SPEF2: variants seen among roughly 807,000 people sequenced by gnomAD.
SPEF2 encodes the protein sperm flagellar and cilia associated 2.
A neutral mutation model predicts 224.6 loss-of-function variants in SPEF2; 187 were observed. The ratio of observed to expected loss-of-function variants is 0.83; its 90% CI spans 0.74 to 0.94. The LOEUF (loss-of-function observed/expected upper bound fraction) is 0.94. Among genes scored for constraint, SPEF2 ranks in the 40% least tolerant of loss-of-function variants. The pLI is 0.00. For missense variants in SPEF2, 2,170 were observed against 2,135.6 expected (o/e 1.02, Z -0.32); for synonymous variants, 715 against 707.3 (o/e 1.01, Z -0.17).
Position 35,740,154 on chromosome 5 carries a change from C to T in SPEF2, c.3217C>T (p.Arg1073Cys), listed in dbSNP as rs200582644. Residue 1073 changes from arginine to cysteine, a missense_variant, in exon 23 of 37, where the codon CGT becomes TGT. Arg to Cys is a radical substitution (Grantham distance 180). Coordinates refer to ENST00000356031, the MANE Select transcript of SPEF2 (RefSeq NM_024867.4). ...IRTSFQEFLK[R>C]PDHKQDFVAQ... ...AACAAGTTTCCAGGAGTTTCTAAAG[C>T]GTCCGGATCACAAGCAAGATTTTGT... The T allele has an allele frequency of 4.0e-4, 640 of 1,613,944 alleles. No individual in the cohort carries two copies. Among genetic ancestry groups the T allele is most frequent in the Non-Finnish European group, 4.3e-4 (512 of 1,180,006 alleles).
chr5:35,634,536 A>G (rs1745562611), intron 2 of SPEF2, among the ~76,000 whole-genome samples: 1 of 151,944 alleles, frequency 6.6e-6, no homozygotes, highest in Non-Finnish European at 1.5e-5. Context: ...GTGGATCCAT[A>G]TCTTTCATCA....
At position 35,670,232 on chromosome 5, in the gene SPEF2, C is replaced by G. The variant is rs763986783; in HGVS notation, c.1524+5C>G. 1 of 1,586,272 alleles carries G rather than the reference C, an allele frequency of 6.3e-7. No homozygotes were observed. Among genetic ancestry groups the G allele is most frequent in the East Asian group, 2.3e-5 (1 of 44,074 alleles). The stretch of plus-strand genomic sequence containing the variant: ...AATGATTATGAAGAATATAAGGTAC[C>G]TACTGATATGAAATAATTAGAATGC... On this transcript the variant is annotated splice_donor_5th_base_variant and intron_variant, in intron 10 of 36. Transcript: ENST00000356031.
intron 20 of SPEF2, among the ~76,000 whole-genome samples, chr5:35,717,798 C>T (rs951291057): frequency 6.6e-6 from 1 of 152,146 alleles, no homozygotes; most frequent in Non-Finnish European, 1.5e-5. Flanking sequence ...CTCCAGGGAC[C>T]CCCTGCCACC....
intron 9 of SPEF2, among the ~76,000 whole-genome samples, chr5:35,668,928 T>C (rs1402603348): frequency 1.3e-5 from 2 of 152,070 alleles, no homozygotes; most frequent in Non-Finnish European, 2.9e-5. Flanking sequence ...ATTTTGGAGC[T>C]TTTTAAAGCC....
chr5:35,752,731 TC>T (rs1193518202), intron 23 of SPEF2, among the ~76,000 whole-genome samples: 8 of 1,902 alleles, frequency 4.2e-3, no homozygotes, highest in African/African-American at 8.3e-3. Context: ...CACCACTTAA[TC>T]TTTCTGTGAC....
intron 1 of SPEF2, among the ~76,000 whole-genome samples, chr5:35,621,296 A>G (rs1475443242): frequency 6.6e-6 from 1 of 152,220 alleles, no homozygotes; most frequent in East Asian, 1.9e-4. Flanking sequence ...TGGGTATACC[A>G]TACCCTGTTC....
chr5:35,810,712 C>T (rs1194502725), intron 36 of SPEF2, among the ~76,000 whole-genome samples: 2 of 152,186 alleles, frequency 1.3e-5, no homozygotes, highest in South Asian at 4.2e-4. Flanking sequence ...CCAAGCTTTC[C>T]TTGATGCACA....
intron 14 of SPEF2, among the ~76,000 whole-genome samples, chr5:35,696,288 T>C (rs1295004463): frequency 6.6e-6 from 1 of 152,178 alleles, no homozygotes; most frequent in Non-Finnish European, 1.5e-5. Flanking sequence ...ATTTTATCTT[T>C]TGTATTATAT....
chr5:35,775,633 A>G (rs372326146), intron 28 of SPEF2, among the ~76,000 whole-genome samples: 1 of 152,114 alleles, frequency 6.6e-6, no homozygotes, highest in East Asian at 1.9e-4. Flanking sequence ...TGCAGGTAAG[A>G]CAAATTACTC....
rs1311205694 is a variant in SPEF2 at position 35,799,912 on chromosome 5, A to G, written c.4831-56A>G. 13 of 1,583,420 alleles carry G rather than the reference A, an allele frequency of 8.2e-6. 1 individual carries two copies. In the South Asian group the frequency reaches 1.4e-4, roughly 17 times the overall value. On this transcript the variant is annotated intron_variant, in intron 33 of 36. Coordinates refer to ENST00000356031, the MANE Select transcript of SPEF2 (RefSeq NM_024867.4). ...TGGGGAGATTCTTCATTGCATGACT[A>G]ACTACTGACTATGAGAGTGCACCCA...
At chr5:35,789,637 C>T (rs1325642148) in intron 30 of SPEF2, 2 of 629,136 alleles carry the variant, frequency 3.2e-6, no homozygotes, top group South Asian at 1.9e-5. Flanking sequence ...TTCAGAGATG[C>T]CAGCCAAAAT....
At chr5:35,665,997 T>C (rs1018231518) in intron 8 of SPEF2, among the ~76,000 whole-genome samples, 2 of 152,108 alleles carry the variant, frequency 1.3e-5, no homozygotes, top group South Asian at 4.1e-4. Context: ...TAATAGGAAA[T>C]ATTTGTTCTG....
At chr5:35,700,912 T>C (rs560460134) in intron 16 of SPEF2, among the ~76,000 whole-genome samples, 160 bp downstream of exon 16, 1 of 152,354 alleles carries the variant, frequency 6.6e-6, no homozygotes, top group African/African-American at 2.4e-5. Context: ...TTGCTTTGAC[T>C]GTTAGCATTC....
intron 34 of SPEF2, among the ~76,000 whole-genome samples, chr5:35,800,767 G>A (rs1757310015): frequency 6.6e-6 from 1 of 152,146 alleles, no homozygotes; most frequent in Non-Finnish European, 1.5e-5. Context: ...ATGGCTTTTG[G>A]TTCTGTTGTT....
chr5:35,708,552 C>T (rs1273404708), intron 18 of SPEF2, among the ~76,000 whole-genome samples: 1 of 38,120 alleles, frequency 2.6e-5, no homozygotes, highest in East Asian at 7.5e-4. Flanking sequence ...ATCACCACTC[C>T]TACCATCACC....
rs1755612223 is a variant in SPEF2, at chr5:35,789,208, G to A, written c.4448-3132G>A. The A allele has an allele frequency of 4.3e-6, 3 of 702,810 alleles. No homozygotes were observed. In the African/African-American group the frequency reaches 5.2e-5, roughly 12 times the overall value. The allele number at this position is 702,810 out of a possible 1,614,324, so 43.5% of individuals were successfully genotyped here. On this transcript the variant is annotated intron_variant, in intron 30 of 36. Coordinates refer to ENST00000356031, the MANE Select transcript of SPEF2 (RefSeq NM_024867.4). ...GTCAAAAGAAACCCAAAGAACTTCT[G>A]GAGTCCCTTCTCCAAGCTGACATTG...
In SPEF2 at chr5:35,695,386, T is replaced by C. The variant is rs139176951; in HGVS notation, c.1976-349T>C. 4.6e-5 allele frequency among the ~76,000 whole-genome samples: 7 copies of C among 152,226 alleles called. No individual in the cohort carries two copies. In the East Asian group the frequency reaches 1.4e-3, roughly 29 times the overall value. The stretch of plus-strand genomic sequence containing the variant: ...AAATAAAAGTGTAAAAAAATAACAT[T>C]TTAACATTTTTTTGAAAAACTTGAC... On this transcript the variant is annotated intron_variant, in intron 13 of 36. Transcript: ENST00000356031.
At chr5:35,765,438 G>A (rs1163664360) in intron 26 of SPEF2, among the ~76,000 whole-genome samples, 2 of 151,972 alleles carry the variant, frequency 1.3e-5, no homozygotes, top group Admixed American at 6.6e-5. Context: ...ATAGATAACT[G>A]TTGGGTATAC....
intron 30 of SPEF2, among the ~76,000 whole-genome samples, chr5:35,792,093 C>T (rs1378458203): frequency 2.6e-5 from 4 of 151,996 alleles, no homozygotes; most frequent in African/African-American, 7.2e-5. Flanking sequence ...TATAATTTTA[C>T]TCAATCTGGA....
Sources: gnomAD v4.1 joint callset for allele counts (sites outside exome capture counted in the v4.1 genomes callset) on GRCh38, gnomAD v4.1.1 for gene constraint, MANE v1.5 for transcripts, NCBI Gene and HGNC (gene_info 2026-07-23, HGNC 2026-07-21) for gene names.